SDK1: variants seen among roughly 807,000 people sequenced by gnomAD.
SDK1 encodes the protein sidekick cell adhesion molecule 1, also known as protein sidekick-1.
A neutral mutation model predicts 245.5 loss-of-function variants in SDK1; 157 were observed. That is an observed-to-expected ratio of 0.64 (90% confidence interval 0.56 to 0.73). The LOEUF is 0.73. SDK1 is among the 30% of genes least tolerant of loss of function. The pLI is 0.00. For missense variants in SDK1, 3,583 were observed against 3,002.3 expected, an observed-to-expected ratio of 1.19 and a Z score of -4.52; for synonymous variants, 1,647 against 1,278.5, an observed-to-expected ratio of 1.29 and a Z score of -6.15.
At chr7:3,886,820 G>A (rs1046686267) in intron 5 of SDK1, among the ~76,000 whole-genome samples, 2 of 152,150 alleles carry the variant, frequency 1.3e-5, no homozygotes, top group African/African-American at 4.8e-5. Context: ...GGAGGCTAAG[G>A]CAAGAGGATC....
intron 1 of SDK1, among the ~76,000 whole-genome samples, chr7:3,587,771 C>A (rs773128326): frequency 6.6e-6 from 1 of 152,220 alleles, no homozygotes; most frequent in South Asian, 2.1e-4. Context: ...AGTACACTGC[C>A]CCTTGGCCTT....
chr7:3,711,340 G>A (rs1404481198), intron 4 of SDK1, among the ~76,000 whole-genome samples: 1 of 152,102 alleles, frequency 6.6e-6, no homozygotes, highest in African/African-American at 2.4e-5. Context: ...CACACTTCAG[G>A]GATACATCAG....
chr7:4,162,626 C>T (rs1047247341), intron 32 of SDK1, among the ~76,000 whole-genome samples: 1 of 152,036 alleles, frequency 6.6e-6, no homozygotes, highest in Non-Finnish European at 1.5e-5. Flanking sequence ...TCTTGAACTC[C>T]TGACCTCAGG....
At chr7:3,578,205 C>T (rs546930433) in intron 1 of SDK1, among the ~76,000 whole-genome samples, 12 of 152,004 alleles carry the variant, frequency 7.9e-5, no homozygotes, top group Admixed American at 3.9e-4. Flanking sequence ...CATCACATAT[C>T]GGTAGGACCA....
chr7:3,339,751 G>C (rs1359598738), intron 1 of SDK1, among the ~76,000 whole-genome samples: 1 of 152,048 alleles, frequency 6.6e-6, no homozygotes. Context: ...GAAATTTATA[G>C]CACTGTTATA....
intron 28 of SDK1, among the ~76,000 whole-genome samples, chr7:4,141,611 C>T (rs901877633): frequency 6.6e-6 from 1 of 152,208 alleles, no homozygotes; most frequent in Admixed American, 6.5e-5. Context: ...ATCAAGGGAA[C>T]TCAGGTAGGC....
chr7:4,008,434 A>G (rs1785668704), intron 14 of SDK1, among the ~76,000 whole-genome samples: 1 of 152,242 alleles, frequency 6.6e-6, no homozygotes, highest in African/African-American at 2.4e-5. Flanking sequence ...ACCTGAACAA[A>G]GGGGCACGAG....
chr7:4,184,869 A>G (rs930561113), intron 35 of SDK1, among the ~76,000 whole-genome samples: 1 of 152,184 alleles, frequency 6.6e-6, no homozygotes, highest in African/African-American at 2.4e-5. Context: ...AAGCTGCTCC[A>G]TGTGGCCTCT....
chr7:4,068,942 G>A (rs993895735), intron 20 of SDK1, among the ~76,000 whole-genome samples: 3 of 151,958 alleles, frequency 2.0e-5, no homozygotes, highest in African/African-American at 4.8e-5. Context: ...GGCTGGTCTC[G>A]AACTCCTGAC....
At chr7:4,159,722 T>C (rs1319993270) in intron 31 of SDK1, among the ~76,000 whole-genome samples, 1 of 152,238 alleles carries the variant, frequency 6.6e-6, no homozygotes, top group Non-Finnish European at 1.5e-5. Flanking sequence ...CATCGTTAGA[T>C]TCAACCAACT....
intron 1 of SDK1, among the ~76,000 whole-genome samples, chr7:3,605,934 T>G (rs907425933): frequency 6.6e-6 from 1 of 152,186 alleles, no homozygotes; most frequent in African/African-American, 2.4e-5. Flanking sequence ...AAATTTATGA[T>G]TTGGAATGAT....
intron 1 of SDK1, among the ~76,000 whole-genome samples, chr7:3,369,028 T>C (rs1781158474): frequency 6.6e-6 from 1 of 152,090 alleles, no homozygotes; most frequent in Non-Finnish European, 1.5e-5. Flanking sequence ...AATTCTTTTT[T>C]TTCTTTCCTT....
At chr7:4,099,064 A>G (rs1291692846) in intron 22 of SDK1, among the ~76,000 whole-genome samples, 1 of 151,822 alleles carries the variant, frequency 6.6e-6, no homozygotes, top group Non-Finnish European at 1.5e-5. Flanking sequence ...CAAATGAGTG[A>G]GCAGGGTCAG....
intron 1 of SDK1, among the ~76,000 whole-genome samples, chr7:3,421,518 C>CT (rs1253054258): frequency 3.3e-5 from 5 of 152,180 alleles, no homozygotes; most frequent in African/African-American, 9.6e-5. Flanking sequence ...ACTTAAATAT[C>CT]TAAGTTTTAG....
At chr7:3,635,670 C>T (rs541209147) in intron 2 of SDK1, among the ~76,000 whole-genome samples, 11 of 152,208 alleles carry the variant, frequency 7.2e-5, no homozygotes, top group Middle Eastern at 6.8e-3. Flanking sequence ...TTTCTTCTCC[C>T]CTTTTTGGAA....
At chr7:3,831,026 A>C (rs1267294554) in intron 5 of SDK1, among the ~76,000 whole-genome samples, 1 of 152,016 alleles carries the variant, frequency 6.6e-6, no homozygotes, top group Admixed American at 6.6e-5. Context: ...TACTTTGTCT[A>C]CTCTCCTTGT....
intron 1 of SDK1, among the ~76,000 whole-genome samples, chr7:3,552,885 C>T (rs1265846107): frequency 6.6e-6 from 1 of 152,182 alleles, no homozygotes; most frequent in Non-Finnish European, 1.5e-5. Flanking sequence ...CATAATTATG[C>T]TTTCCAGTTT....
chr7:4,218,475 T>C (rs1380814298), intron 38 of SDK1, among the ~76,000 whole-genome samples: 1 of 152,206 alleles, frequency 6.6e-6, no homozygotes, highest in Admixed American at 6.5e-5. Context: ...AGGCATAATA[T>C]ATGAAAACAC....
chr7:3,507,372 C>G (rs959334101), intron 1 of SDK1, among the ~76,000 whole-genome samples: 1 of 152,170 alleles, frequency 6.6e-6, no homozygotes, highest in Non-Finnish European at 1.5e-5. Context: ...TCAAATTGCT[C>G]TGATCTCTGT....
Sources: gnomAD v4.1 joint callset for allele counts (sites outside exome capture counted in the v4.1 genomes callset) on GRCh38, gnomAD v4.1.1 for gene constraint, MANE v1.5 for transcripts, NCBI Gene and HGNC (gene_info 2026-07-23, HGNC 2026-07-21) for gene names.